XYLT2: variants seen among roughly 807,000 people sequenced by gnomAD.
XYLT2 encodes UDP-D-xylose:proteoglycan core protein beta-D-xylosyltransferase.
In XYLT2, 37 loss-of-function variants were observed where a neutral mutation model predicts 82.6. The observed-to-expected ratio is 0.45, with a 90% CI of 0.34 to 0.59. XYLT2 has a LOEUF of 0.59. XYLT2 is among the 20% of genes least tolerant of loss of function. The probability of loss-of-function intolerance (pLI) is 0.01; values close to 1 mark genes in which losing one functional copy is unlikely to be tolerated. For missense variants in XYLT2, 934 were observed against 1,181.3 expected (o/e 0.79, Z 3.07); for synonymous variants, 474 against 499.0 (o/e 0.95, Z 0.67).
chr17:50,357,852 A>T, intron 9 of XYLT2: 1 of 234,256 alleles, frequency 4.3e-6, no homozygotes, highest in Non-Finnish European at 8.4e-6. Flanking sequence ...AGTGCTGGGA[A>T]TACAAGCGCA....
rs903322109 is a variant in XYLT2 at position 50,353,640 on chromosome 17, A to G, written c.146A>G (p.Gln49Arg). The stretch of plus-strand genomic sequence containing the variant: ...GCATCTCTCTTACAGAAAGGAAGGC[A>G]GAGGAAGCCACGGCCACTGGACCCT... ...EEDEAGEKGR[Q>R]RKPRPLDPGE... The change falls in exon 2 of 11, where the codon CAG (glutamine) becomes CGG (arginine). Residue 49 changes from glutamine to arginine, a missense_variant. Physicochemically the swap from Gln to Arg is conservative, Grantham distance 43 (BLOSUM62 1). Transcript: ENST00000017003. 8 of 1,564,858 alleles carry G rather than the reference A, an allele frequency of 5.1e-6. No individual in the cohort carries two copies. Among genetic ancestry groups the G allele is most frequent in the African/African-American group, 1.4e-5 (1 of 73,724 alleles).
rs1182050308 is a variant in XYLT2, at chr17:50,353,969, ACCC to A, written c.478_480del (p.Pro160del). 1 of 1,606,290 alleles carries A rather than the reference ACCC, an allele frequency of 6.2e-7. No individual in the cohort carries two copies. Among genetic ancestry groups the A allele is most frequent in the Non-Finnish European group, 8.5e-7 (1 of 1,179,870 alleles). Reference sequence around the variant, plus strand: ...CCCCCAGCCCACGGACAATGGCTTCACCCCCAAGTGCGAGATCGTGGGCAAGGA... The same window carrying A: ...CCCCCAGCCCACGGACAATGGCTTCACCAAGTGCGAGATCGTGGGCAAGGA... On this transcript the variant is annotated inframe_deletion, in exon 2 of 11. Coordinates refer to ENST00000017003, the MANE Select transcript of XYLT2 (RefSeq NM_022167.4).
Position 50,356,521 on chromosome 17 carries a change from G to A in XYLT2, c.1493G>A (p.Arg498Lys), listed in dbSNP as rs1287487241. 6.2e-7 allele frequency: 1 copy of A among 1,614,060 alleles called. No homozygotes were observed. Among genetic ancestry groups the A allele is most frequent in the South Asian group, 1.1e-5 (1 of 91,074 alleles). The change falls in exon 8 of 11, where the codon AGA (arginine) becomes AAA (lysine). Residue 498 changes from arginine (R) to lysine (K), a missense_variant. By Grantham distance (26) the Arg-to-Lys change is conservative. Around this residue, in one of 3 missense-constraint regions of XYLT2, gnomAD observed 189 missense variants for 320.8 expected, o/e 0.59. Transcript: ENST00000017003. ...CCTCTCCCACTCCAGCAAGTCTCCAGACCCACCTTCTTCGCCCGGAAGTTC... is the reference window on the plus strand; with the variant it reads ...CCTCTCCCACTCCAGCAAGTCTCCAAACCCACCTTCTTCGCCCGGAAGTTC... ...QDFLRLQQVSRPTFFARKFES... is the reference protein window; with the variant it reads ...QDFLRLQQVSKPTFFARKFES...
chr17:50,355,947 C>G lies in XYLT2; in HGVS notation c.1255C>G (p.Leu419Val). The part of the protein sequence containing the change: ...VEYVVYTDDP[L>V]VAQLRQFYTY... ...GTATGTGGTGTACACAGATGACCCG[C>G]TTGTGGCCCAGCTGCGCCAGTTCTA... is the stretch of plus-strand genomic sequence containing the variant. The change falls in exon 6 of 11, where the codon CTT (leucine) becomes GTT (valine). Residue 419 changes from leucine (L) to valine (V), a missense_variant. Transcript: ENST00000017003. The G allele has an allele frequency of 6.2e-7, 1 of 1,614,204 alleles. No homozygotes were observed. The highest frequency in any genetic ancestry group is 8.5e-7 in the Non-Finnish European group (1 of 1,180,032).
intron 10 of XYLT2, among the ~76,000 whole-genome samples, chr17:50,358,770 C>T (rs1463273719): frequency 6.6e-6 from 1 of 152,238 alleles, no homozygotes; most frequent in Non-Finnish European, 1.5e-5. Context: ...ACATAACTCT[C>T]ACAAGTTCAT....
rs149850767 is a variant in XYLT2, at chr17:50,359,145, A to G, written c.2275+605A>G. 1.3e-3 allele frequency: 195 copies of G among 153,256 alleles called. 4 individuals carry two copies. The highest frequency in any genetic ancestry group is 0.011 in the Admixed American group (172 of 15,428). 9.5% of individuals were successfully genotyped at this position (153,256 alleles called of 1,614,324 possible). ...CAGGTTTCACATTCTTGGGACAGCA[A>G]ATCTGATTGGCTATCCCAGTCCACT... On this transcript the variant is annotated intron_variant, in intron 10 of 10. Transcript: ENST00000017003.
chr17:50,358,150 G>A, intron 9 of XYLT2, 57 bp from the exon 10 acceptor site: 1 of 1,458,976 alleles, frequency 6.9e-7, no homozygotes, highest in Non-Finnish European at 9.2e-7. Context: ...GGCAGCTTCA[G>A]AGGAGGGAGA....
Position 50,356,253 on chromosome 17 carries a change from C to G in XYLT2, c.1474C>G (p.Arg492Gly). 2 of 1,613,054 alleles carry G rather than the reference C, an allele frequency of 1.2e-6. No individual in the cohort carries two copies. The highest frequency in any genetic ancestry group is 1.7e-6 in the Non-Finnish European group (2 of 1,179,064). ...CGACTTCAAGCCACAGGACTTCCTC[C>G]GGCTGCAGGTGCTTGCCCGAGGCCC... The part of the protein sequence containing the change: ...PNDFKPQDFL[R>G]LQQVSRPTFF... Residue 492 changes from arginine to glycine, a missense_variant, in exon 7 of 11, where the codon CGG becomes GGG. This residue lies in a region of XYLT2 where 189 missense variants were observed against 320.8 expected (regional missense o/e 0.59). Coordinates refer to ENST00000017003, the MANE Select transcript of XYLT2 (RefSeq NM_022167.4).
rs201328933 is a variant in XYLT2, at chr17:50,357,105, C to T, written c.1794C>T (p.Asp598=). 13 of 1,613,692 alleles carry T rather than the reference C, an allele frequency of 8.1e-6. No individual in the cohort carries two copies. The highest frequency in any genetic ancestry group is 6.7e-5 in the African/African-American group (5 of 75,038). Residue 598 remains aspartate (D), a synonymous_variant, in exon 9 of 11, where the codon GAC becomes GAT. Coordinates refer to ENST00000017003, the MANE Select transcript of XYLT2 (RefSeq NM_022167.4). ...CCAGCGTGCACCTGTATTTCTATGA[C>T]GACCATTTCCAGGGCTACCTGGTGA... The part of the protein sequence containing the change: ...LPSSVHLYFY[D]DHFQGYLVTQ...
In XYLT2 at chr17:50,360,562, CTTTT is replaced by C. The variant is rs1353598617; in HGVS notation, c.*276_*279del. ...TCACCTTCCTGTCTAGTTTGAATTT[CTTTT>C]TTTTCTTTTTTTTTTTTTTTTTTTA... is the stretch of plus-strand genomic sequence containing the variant. On this transcript the variant is annotated 3_prime_UTR_variant, in exon 11 of 11. Coordinates refer to ENST00000017003, the MANE Select transcript of XYLT2 (RefSeq NM_022167.4). 6.2e-5 allele frequency: 63 copies of C among 1,014,060 alleles called. No homozygotes were observed. Among genetic ancestry groups the C allele is most frequent in the South Asian group, 5.1e-5 (1 of 19,638 alleles). 62.8% of individuals were successfully genotyped at this position (1,014,060 alleles called of 1,614,324 possible). A position where few individuals can be genotyped will look rare whatever the true frequency, so the allele number is the denominator to read the frequency against.
In XYLT2 at chr17:50,358,419, G is replaced by A; in HGVS notation, c.2154G>A (p.Leu718=). Residue 718 remains leucine, a synonymous_variant, in exon 10 of 11, where the codon CTG becomes CTA. Coordinates refer to ENST00000017003, the MANE Select transcript of XYLT2 (RefSeq NM_022167.4). ...AGGTCACGCAATACAAGCCCCCACT[G>A]AGCCGGCCCCTGCGGCCAGGGCCCT... is the stretch of plus-strand genomic sequence containing the variant. The part of the protein sequence containing the change: ...ETEVTQYKPP[L]SRPLRPGPWT... The A allele has an allele frequency of 6.2e-7, 1 of 1,614,156 alleles. No individual in the cohort carries two copies. The highest frequency in any genetic ancestry group is 8.5e-7 in the Non-Finnish European group (1 of 1,180,046).
At chr17:50,351,986 T>A (rs1472974633) in intron 1 of XYLT2, among the ~76,000 whole-genome samples, 2 of 151,896 alleles carry the variant, frequency 1.3e-5, no homozygotes, top group African/African-American at 2.4e-5. Context: ...AAGAAGACCA[T>A]AAGGAGTGGC....
intron 1 of XYLT2, among the ~76,000 whole-genome samples, chr17:50,352,971 G>A (rs1165500357): frequency 1.3e-5 from 2 of 152,152 alleles, no homozygotes; most frequent in Non-Finnish European, 2.9e-5. Context: ...TCTCCTTTGC[G>A]GTCCAAAGCC....
At position 50,354,082 on chromosome 17, in the gene XYLT2, C is replaced by T. The variant is rs1278560405; in HGVS notation, c.588C>T (p.Ser196=). 2 of 1,607,054 alleles carry T rather than the reference C, an allele frequency of 1.2e-6. No homozygotes were observed. Among genetic ancestry groups the T allele is most frequent in the Non-Finnish European group, 1.7e-6 (2 of 1,179,952 alleles). Reference sequence around the variant, plus strand: ...TGGTGTGCCTGCACCAGGCTGGGAGCCTCATGCCCAAGGCTGTGCCCCGGC... The same window carrying T: ...TGGTGTGCCTGCACCAGGCTGGGAGTCTCATGCCCAAGGCTGTGCCCCGGC... ...ANVVCLHQAG[S]LMPKAVPRHC... is the part of the protein sequence containing the mutation. The change falls in exon 2 of 11, where the codon AGC becomes AGT. Residue 196 remains serine (S), a synonymous_variant. Transcript: ENST00000017003.
intron 1 of XYLT2, among the ~76,000 whole-genome samples, chr17:50,347,612 G>A (rs1912095881): frequency 6.6e-6 from 1 of 152,232 alleles, no homozygotes; most frequent in Admixed American, 6.5e-5. Flanking sequence ...AAGCAGTTAG[G>A]GAGCCCTCTG....
In XYLT2 at chr17:50,356,365, C is replaced by T. The variant is rs1296440008; in HGVS notation, c.1482+104C>T. Reference sequence around the variant, plus strand: ...GTAAGAGAATCTGGGGGGCCACGGCCTGCAGCAACCCTCAGGGGTCTGGGG... The same window carrying T: ...GTAAGAGAATCTGGGGGGCCACGGCTTGCAGCAACCCTCAGGGGTCTGGGG... On this transcript the variant is annotated intron_variant, in intron 7 of 10. Transcript: ENST00000017003. 2.0e-5 allele frequency: 31 copies of T among 1,551,366 alleles called. No individual in the cohort carries two copies. In the East Asian group the frequency reaches 5.7e-4, roughly 28 times the overall value.
At chr17:50,359,697 C>T (rs1912717696) in intron 10 of XYLT2, 2 of 467,778 alleles carry the variant, frequency 4.3e-6, no homozygotes, top group East Asian at 3.7e-5. Flanking sequence ...GGGTATGGGA[C>T]ACAAACCAGA....
Position 50,346,248 on chromosome 17 carries a change from C to A in XYLT2, c.108C>A (p.Ser36Arg). Residue 36 changes from serine to arginine, a missense_variant, in exon 1 of 11, where the codon AGC (serine) becomes AGA (arginine). By Grantham distance (110) the Ser-to-Arg change is moderately radical (BLOSUM62 -1). Coordinates refer to ENST00000017003, the MANE Select transcript of XYLT2 (RefSeq NM_022167.4). This position sits in a 1 kb window ranked among gnomAD's most constrained non-coding sequence, Gnocchi z 5.1. ...AGGGCCTGGTAGTGTGGAGCTTCAG[C>A]GGCCTGGAGGAGGACGAGGCGGGCG... The part of the protein sequence containing the change: ...LLQGLVVWSF[S>R]GLEEDEAGEK... The A allele has an allele frequency of 8.2e-7, 1 of 1,223,918 alleles. No homozygotes were observed. The highest frequency in any genetic ancestry group is 1.8e-5 in the South Asian group (1 of 55,992). The allele number at this position is 1,223,918 out of a possible 1,614,324, so 75.8% of individuals were successfully genotyped here.
chr17:50,356,928 G>T, intron 8 of XYLT2, 129 bp from the exon 9 acceptor site: 1 of 1,459,318 alleles, frequency 6.9e-7, no homozygotes, highest in South Asian at 1.4e-5. Context: ...AGGCATGCAG[G>T]TGCTGTGGGG....
Sources: allele counts gnomAD v4.1 joint callset (sites outside exome capture counted in the v4.1 genomes callset), GRCh38; gene constraint gnomAD v4.1.1; regional missense constraint gnomAD v4.1.1; non-coding constraint Gnocchi (gnomAD v3.1); transcripts MANE v1.5; gene names NCBI Gene and HGNC (gene_info 2026-07-23, HGNC 2026-07-21).